DLG2: variants seen among roughly 807,000 people sequenced by gnomAD.
DLG2 encodes the protein disks large homolog 2.
DLG2 carries 45 observed loss-of-function variants against 132.5 expected under a neutral mutation model. The ratio of observed to expected loss-of-function variants is 0.34; its 90% CI spans 0.27 to 0.44. The LOEUF (loss-of-function observed/expected upper bound fraction) is 0.44. Ranked by LOEUF, DLG2 falls within the 20% of genes least tolerant of loss-of-function variation. DLG2 has a pLI of 1.00. For missense variants in DLG2, 1,045 were observed against 1,196.9 expected (o/e 0.87, Z 1.87); for synonymous variants, 424 against 419.6 (o/e 1.01, Z -0.13).
chr11:85,377,803 ATGTGTG>A lies in DLG2; in HGVS notation c.41-92444_41-92439del, dbSNP rs1555086383. Among the ~76,000 whole-genome samples, 4 of 131,308 alleles carry A rather than the reference ATGTGTG, an allele frequency of 3.0e-5. No individual in the cohort carries two copies. The East Asian group carries it at 6.5e-4, about 21-fold the overall frequency. The allele number at this position is 131,308 out of a possible 152,430, so 86.1% of individuals were successfully genotyped here. Reference sequence around the variant, plus strand: ...TGTATACATATATATATATATATATATGTGTGTGTGTGTGTGTGTGTATACATATAT... The same window carrying A: ...TGTATACATATATATATATATATATATGTGTGTGTGTGTGTATACATATAT... On this transcript the variant is annotated intron_variant, in intron 3 of 27. Transcript: ENST00000376104.
At chr11:84,838,881 A>G (rs1304731265) in intron 6 of DLG2, among the ~76,000 whole-genome samples, 1 of 152,136 alleles carries the variant, frequency 6.6e-6, no homozygotes, top group Non-Finnish European at 1.5e-5. Flanking sequence ...CCCAAAGCCA[A>G]TATCATACTG....
At chr11:83,783,073 T>G (rs895983469) in intron 18 of DLG2, among the ~76,000 whole-genome samples, 5 of 152,244 alleles carry the variant, frequency 3.3e-5, no homozygotes, top group African/African-American at 1.2e-4. Context: ...TTTCCTCTTC[T>G]TATGAAAGTA....
intron 19 of DLG2, among the ~76,000 whole-genome samples, chr11:83,608,597 T>C (rs192692730): frequency 2.5e-4 from 38 of 152,274 alleles, no homozygotes; most frequent in African/African-American, 8.9e-4. Flanking sequence ...TAAACTACAA[T>C]TTCTGGTAAA....
chr11:85,426,269 G>A (rs185507760), intron 3 of DLG2, among the ~76,000 whole-genome samples: 1 of 152,306 alleles, frequency 6.6e-6, no homozygotes, highest in Non-Finnish European at 1.5e-5. Flanking sequence ...TGACAGCCTT[G>A]AAGAGAGTAG....
intron 6 of DLG2, among the ~76,000 whole-genome samples, chr11:85,025,631 CA>C (rs1293336345): frequency 1.1e-4 from 17 of 151,942 alleles, no homozygotes; most frequent in Non-Finnish European, 2.2e-4. Context: ...ATTAGAATTG[CA>C]AAAAATGTTG....
rs180997866 is a variant in DLG2 at position 84,718,909 on chromosome 11, G to C, written c.358-184178C>G. On this transcript the variant is annotated intron_variant, in intron 6 of 27. Transcript: ENST00000376104. Reference sequence around the variant, plus strand: ...AACAACAAGCTACTCTTTAGTATGGGCAATATATTTTTTAACCAACCCTAC... The same window carrying C: ...AACAACAAGCTACTCTTTAGTATGGCCAATATATTTTTTAACCAACCCTAC... Among the ~76,000 whole-genome samples the C allele has an allele frequency of 3.2e-4, 49 of 152,216 alleles. No individual in the cohort carries two copies. In the East Asian group the frequency reaches 7.9e-3, roughly 25 times the overall value.
chr11:83,477,331 T>C (rs1209263141), intron 22 of DLG2, among the ~76,000 whole-genome samples: 1 of 152,158 alleles, frequency 6.6e-6, no homozygotes, highest in Non-Finnish European at 1.5e-5. Context: ...ATAATTAAGA[T>C]AGTTTTGAGG....
intron 4 of DLG2, among the ~76,000 whole-genome samples, chr11:85,211,622 G>A (rs2082262475): frequency 6.6e-6 from 1 of 152,062 alleles, no homozygotes; most frequent in African/African-American, 2.4e-5. Flanking sequence ...TAAGTTTGTG[G>A]TTCTATGCCC....
intron 7 of DLG2, among the ~76,000 whole-genome samples, chr11:84,371,461 T>A (rs1338742453): frequency 6.6e-6 from 1 of 151,918 alleles, no homozygotes; most frequent in African/African-American, 2.4e-5. Flanking sequence ...TTGCCCAGGC[T>A]GGTCTCAAAC....
chr11:83,908,436 C>T (rs775420836), intron 15 of DLG2, among the ~76,000 whole-genome samples: 50 of 151,388 alleles, frequency 3.3e-4, no homozygotes, highest in Admixed American at 9.2e-4. Context: ...GTCTTTTTTT[C>T]TCTCTCTCTC....
chr11:84,094,287 A>G (rs189283391), intron 10 of DLG2, among the ~76,000 whole-genome samples: 1 of 152,324 alleles, frequency 6.6e-6, no homozygotes, highest in East Asian at 1.9e-4. Context: ...ACTTTAAATG[A>G]GCTAATGTGC....
chr11:84,634,976 A>C (rs528080838), intron 6 of DLG2, among the ~76,000 whole-genome samples: 1 of 152,350 alleles, frequency 6.6e-6, no homozygotes, highest in Non-Finnish European at 1.5e-5. Flanking sequence ...TCAATCCAGA[A>C]GTTCCTCAGA....
At chr11:84,127,140 G>T (rs938673739) in intron 9 of DLG2, among the ~76,000 whole-genome samples, 36 of 152,258 alleles carry the variant, frequency 2.4e-4, no homozygotes, top group African/African-American at 7.7e-4. Context: ...TATCTATATT[G>T]TGATTATAAG....
chr11:84,185,602 C>G (rs1399297962), intron 8 of DLG2, among the ~76,000 whole-genome samples: 1 of 152,110 alleles, frequency 6.6e-6, no homozygotes, highest in Non-Finnish European at 1.5e-5. Context: ...GAACTTCCAA[C>G]ACTATGTTGA....
chr11:84,497,546 ACT>A (rs1308595084), intron 7 of DLG2, among the ~76,000 whole-genome samples: 1 of 152,148 alleles, frequency 6.6e-6, no homozygotes, highest in Non-Finnish European at 1.5e-5. Context: ...CTGGGAACAT[ACT>A]GTTACCTCCA....
chr11:85,283,886 GAA>G (rs775403392), intron 4 of DLG2, among the ~76,000 whole-genome samples: 4 of 103,362 alleles, frequency 3.9e-5, no homozygotes, highest in Admixed American at 2.0e-4. Flanking sequence ...GAAACAGTTA[GAA>G]AAAAAAAAAA....
chr11:84,934,425 G>T (rs1174152202), intron 6 of DLG2, among the ~76,000 whole-genome samples: 2 of 149,926 alleles, frequency 1.3e-5, no homozygotes, highest in African/African-American at 4.9e-5. Context: ...CAATTTTTTG[G>T]AGTAGTTTCA....
At chr11:85,463,635 G>T (rs1395953912) in intron 3 of DLG2, among the ~76,000 whole-genome samples, 3 of 152,074 alleles carry the variant, frequency 2.0e-5, no homozygotes, top group South Asian at 2.1e-4. Context: ...GGCAGGCATG[G>T]TTGTGTGCAT....
Position 84,961,526 on chromosome 11 carries a change from TTGTGTGTGTGTGTGTG to T in DLG2, c.357+150119_357+150134del, listed in dbSNP as rs71465017. ...AAGTTATATCCTAAGAATTGTATCT[TTGTGTGTGTGTGTGTG>T]TGTGTGTGTGTGTGTGTGTGTGTGT... On this transcript the variant is annotated intron_variant, in intron 6 of 27. Coordinates refer to ENST00000376104, the MANE Select transcript of DLG2 (RefSeq NM_001142699.3). 3.4e-4 allele frequency among the ~76,000 whole-genome samples: 49 copies of T among 143,892 alleles called. No individual in the cohort carries two copies. The South Asian group carries it at 9.4e-3, about 28-fold the overall frequency. 94.4% of individuals were successfully genotyped at this position (143,892 alleles called of 152,430 possible). A position where few individuals can be genotyped will look rare whatever the true frequency, so the allele number is the denominator to read the frequency against.
Sources: gnomAD v4.1 joint callset for allele counts (sites outside exome capture counted in the v4.1 genomes callset) on GRCh38, gnomAD v4.1.1 for gene constraint, MANE v1.5 for transcripts, NCBI Gene and HGNC (gene_info 2026-07-23, HGNC 2026-07-21) for gene names.